Variants in FAM13C observed in about 807,000 individuals in gnomAD.
The protein encoded by FAM13C is family with sequence similarity 13 member C.
In FAM13C, 37 loss-of-function variants were observed where a neutral mutation model predicts 73.2. The observed-to-expected ratio is 0.51, with a 90% CI of 0.39 to 0.67. The LOEUF (loss-of-function observed/expected upper bound fraction) is 0.67. Among genes scored for constraint, FAM13C ranks in the 30% least tolerant of loss-of-function variants. The pLI is 0.00. For synonymous variants in FAM13C, 246 were observed against 260.9 expected (o/e 0.94, Z 0.55); for missense variants, 589 against 715.6 (o/e 0.82, Z 2.02).
chr10:59,353,151 G>A (rs183182302), intron 2 of FAM13C, among the ~76,000 whole-genome samples: 7 of 152,306 alleles, frequency 4.6e-5, no homozygotes, highest in Middle Eastern at 3.4e-3. Context: ...GAAGAGGGCG[G>A]TGTTATCTTC....
intron 3 of FAM13C, among the ~76,000 whole-genome samples, chr10:59,326,237 T>C (rs192092304): frequency 1.3e-5 from 2 of 152,190 alleles, no homozygotes; most frequent in Admixed American, 1.3e-4. Flanking sequence ...GAAGAACTCT[T>C]CTCTAAAATG....
chr10:59,260,686 C>G (rs1215441658), intron 10 of FAM13C, among the ~76,000 whole-genome samples: 1 of 152,004 alleles, frequency 6.6e-6, no homozygotes, highest in African/African-American at 2.4e-5. Flanking sequence ...ATCCCCACTC[C>G]CAGGACAACA....
chr10:59,264,180 GA>G lies in FAM13C; in HGVS notation c.943-15del. ...ACCATGTGAAGGCTACCAAGGGAAGGAAAAAATGGGGGTGGAAGGGAGGGAA... is the reference window on the plus strand; with the variant it reads ...ACCATGTGAAGGCTACCAAGGGAAGGAAAAATGGGGGTGGAAGGGAGGGAA... On this transcript the variant is annotated splice_polypyrimidine_tract_variant and intron_variant, in intron 8 of 13. Transcript: ENST00000618804. 2 of 1,284,656 alleles carry G rather than the reference GA, an allele frequency of 1.6e-6. No homozygotes were observed. The highest frequency in any genetic ancestry group is 2.2e-6 in the Non-Finnish European group (2 of 928,594). The allele number at this position is 1,284,656 out of a possible 1,614,324, so 79.6% of individuals were successfully genotyped here.
Position 59,283,425 on chromosome 10 carries a change from C to G in FAM13C, c.530G>C (p.Gly177Ala). 6.2e-7 allele frequency: 1 copy of G among 1,614,206 alleles called. No homozygotes were observed. Among genetic ancestry groups the G allele is most frequent in the Non-Finnish European group, 8.5e-7 (1 of 1,180,030 alleles). The change falls in exon 6 of 14, where the codon GGA (glycine) becomes GCA (alanine). Residue 177 changes from glycine (G) to alanine (A), a missense_variant. Coordinates refer to ENST00000618804, the MANE Select transcript of FAM13C (RefSeq NM_198215.4). ...TGATGCTGGCGCCGGGTCCTTGACTCCATGCACCTGAGCAGCTTCTTCCTG... is the reference window on the plus strand; with the variant it reads ...TGATGCTGGCGCCGGGTCCTTGACTGCATGCACCTGAGCAGCTTCTTCCTG... ...LNEEEAAQVH[G>A]VKDPAPASTQ...
At chr10:59,281,369 C>T (rs565578187) in intron 6 of FAM13C, among the ~76,000 whole-genome samples, 1 of 152,250 alleles carries the variant, frequency 6.6e-6, no homozygotes, top group South Asian at 2.1e-4. Context: ...CAAACCATCC[C>T]ATAATTTAAG....
intron 10 of FAM13C, among the ~76,000 whole-genome samples, chr10:59,259,066 C>T (rs1201724055): frequency 6.6e-6 from 1 of 152,254 alleles, no homozygotes; most frequent in African/African-American, 2.4e-5. Flanking sequence ...CATAAATAGG[C>T]ACTACAGTTC....
At chr10:59,295,247 C>A (rs565601438) in intron 5 of FAM13C, among the ~76,000 whole-genome samples, 37 of 152,338 alleles carry the variant, frequency 2.4e-4, no homozygotes, top group African/African-American at 8.7e-4. Context: ...TTTAACTTAG[C>A]TGACCAAAGA....
intron 6 of FAM13C, among the ~76,000 whole-genome samples, chr10:59,276,229 G>T (rs72808528): frequency 0.029 from 4,438 of 152,268 alleles, 112 homozygotes; most frequent in Non-Finnish European, 0.04. Context: ...CAAGATTCTA[G>T]AGGGGACCTA....
At chr10:59,310,469 T>G (rs1373032291) in intron 4 of FAM13C, among the ~76,000 whole-genome samples, 1 of 152,194 alleles carries the variant, frequency 6.6e-6, no homozygotes, top group Non-Finnish European at 1.5e-5. Context: ...TTCCTTTCTC[T>G]AGAGAGTCGA....
intron 13 of FAM13C, among the ~76,000 whole-genome samples, chr10:59,249,408 GAAA>G (rs71006241): frequency 1.5e-3 from 144 of 99,168 alleles, no homozygotes; most frequent in Non-Finnish European, 2.0e-3. Context: ...CGTCTCAAAA[GAAA>G]AAAAAAAAAA....
Position 59,302,728 on chromosome 10 carries a change from T to G in FAM13C, c.507+73A>C, listed in dbSNP as rs1847741554. The G allele has an allele frequency of 2.9e-6, 4 of 1,375,774 alleles. No individual in the cohort carries two copies. In the South Asian group the frequency reaches 4.7e-5, roughly 16 times the overall value. The allele number at this position is 1,375,774 out of a possible 1,614,324, so 85.2% of individuals were successfully genotyped here. On this transcript the variant is annotated intron_variant, in intron 5 of 13. Transcript: ENST00000618804. The stretch of plus-strand genomic sequence containing the variant: ...AGTTTTCATGAGAATGAATTCCTAG[T>G]ACTGTGAAAAAGAATAGTAAATCTC...
intron 13 of FAM13C, 79 bp downstream of exon 13, chr10:59,251,496 C>T (rs1841370727): frequency 1.6e-6 from 2 of 1,267,844 alleles, no homozygotes; most frequent in Non-Finnish European, 2.3e-6. Flanking sequence ...GTCACCGTTC[C>T]TGCAAAAAAT....
upstream of FAM13C, chr10:59,362,629 G>C (rs756153352): frequency 1.5e-5 from 22 of 1,424,358 alleles, no homozygotes; most frequent in East Asian, 5.2e-5. Context: ...GGGGCCCAGC[G>C]GCACGGGCGA....
intron 9 of FAM13C, chr10:59,263,808 G>T (rs1842753682): frequency 2.4e-6 from 1 of 418,998 alleles, no homozygotes; most frequent in South Asian, 2.5e-5. Flanking sequence ...ACCTAGGGAG[G>T]TTAGTGCTCC....
At chr10:59,341,988 A>G (rs892170724) in intron 3 of FAM13C, among the ~76,000 whole-genome samples, 1 of 152,138 alleles carries the variant, frequency 6.6e-6, no homozygotes, top group South Asian at 2.1e-4. Context: ...CTTATCTCCA[A>G]CAGGATTAAT....
chr10:59,362,467 A>T lies in FAM13C; in HGVS notation c.-7T>A. ...AACAGAAACAAGAAAACATCAGCCAAGTCTGGCCGGGGAGCCGTCTCCCTG... is the reference window on the plus strand; with the variant it reads ...AACAGAAACAAGAAAACATCAGCCATGTCTGGCCGGGGAGCCGTCTCCCTG... On this transcript the variant is annotated 5_prime_UTR_variant, in exon 1 of 14. The change creates a new upstream start codon in the 5' untranslated region. Transcript: ENST00000618804. The T allele has an allele frequency of 6.2e-7, 1 of 1,612,872 alleles. No individual in the cohort carries two copies. Among genetic ancestry groups the T allele is most frequent in the Non-Finnish European group, 8.5e-7 (1 of 1,179,428 alleles).
At chr10:59,291,003 G>T (rs1846161064) in intron 5 of FAM13C, among the ~76,000 whole-genome samples, 1 of 152,138 alleles carries the variant, frequency 6.6e-6, no homozygotes, top group African/African-American at 2.4e-5. Context: ...AGAGATTCTG[G>T]TTCAGTAGGT....
At chr10:59,341,706 A>C (rs1853548437) in intron 3 of FAM13C, among the ~76,000 whole-genome samples, 2 of 152,132 alleles carry the variant, frequency 1.3e-5, no homozygotes, top group African/African-American at 4.8e-5. Flanking sequence ...AAAAGGAAAA[A>C]GAAAGAAAGA....
At chr10:59,316,846 GA>G (rs1158779207) in intron 4 of FAM13C, among the ~76,000 whole-genome samples, 2 of 152,064 alleles carry the variant, frequency 1.3e-5, no homozygotes, top group East Asian at 3.8e-4. Context: ...TTATGATATG[GA>G]AAAGAGAATA....
Sources: allele counts gnomAD v4.1 joint callset (sites outside exome capture counted in the v4.1 genomes callset), GRCh38; gene constraint gnomAD v4.1.1; transcripts MANE v1.5; gene names NCBI Gene and HGNC (gene_info 2026-07-23, HGNC 2026-07-21).